The following PTGFRN variants were observed in gnomAD, a reference collection of about 807,000 sequenced individuals.
PTGFRN encodes prostaglandin F2 receptor negative regulator.
A neutral mutation model predicts 83.2 loss-of-function variants in PTGFRN; 35 were observed. That is an observed-to-expected ratio of 0.42 (90% confidence interval 0.32 to 0.56). The LOEUF is 0.56. Ranked by LOEUF, PTGFRN falls within the 20% of genes least tolerant of loss-of-function variation. The pLI is 0.11. For synonymous variants in PTGFRN, 519 were observed against 498.6 expected, an observed-to-expected ratio of 1.04 and a Z score of -0.55; for missense variants, 1,051 against 1,179.5, an observed-to-expected ratio of 0.89 and a Z score of 1.60.
At chr1:116,911,576 A>T (rs758392832) in intron 1 of PTGFRN, among the ~76,000 whole-genome samples, 2 of 152,214 alleles carry the variant, frequency 1.3e-5, no homozygotes, top group Non-Finnish European at 2.9e-5. Flanking sequence ...GCTTCAGCCC[A>T]TGTGCAGAAA....
chr1:116,987,281 G>A lies in PTGFRN; in HGVS notation c.*314G>A. On this transcript the variant is annotated 3_prime_UTR_variant, in exon 9 of 9. Coordinates refer to ENST00000393203, the MANE Select transcript of PTGFRN (RefSeq NM_020440.4). Reference sequence around the variant, plus strand: ...TTTATAGATCCTCTGACTTGTGTGTGTTTATAGCTTTTGTTTCGCGGGGTT... The same window carrying A: ...TTTATAGATCCTCTGACTTGTGTGTATTTATAGCTTTTGTTTCGCGGGGTT... The A allele has an allele frequency of 3.7e-6, 1 of 269,046 alleles. No homozygotes were observed. Among genetic ancestry groups the A allele is most frequent in the South Asian group, 4.9e-5 (1 of 20,506 alleles). 16.7% of individuals were successfully genotyped at this position (269,046 alleles called of 1,614,324 possible). A position where few individuals can be genotyped will look rare whatever the true frequency, so the allele number is the denominator to read the frequency against.
At chr1:116,962,757 G>T (rs566568344) in intron 5 of PTGFRN, among the ~76,000 whole-genome samples, 2 of 152,208 alleles carry the variant, frequency 1.3e-5, no homozygotes, top group East Asian at 3.9e-4. Context: ...GTACCGCTCC[G>T]TCTAGTACTC....
rs1245337978 is a variant in PTGFRN at position 116,944,848 on chromosome 1, C to T, written c.588C>T (p.Val196=). The change falls in exon 3 of 9, where the codon GTC becomes GTT. Residue 196 remains valine (V), a synonymous_variant. Transcript: ENST00000393203. ...EVHRGPARRS[V]LALTHEGRFH... ...ACCGCGGCCCGGCCAGGCGGAGCGTCCTCGCCCTGACCCACGAGGGCAGGT... is the reference window on the plus strand; with the variant it reads ...ACCGCGGCCCGGCCAGGCGGAGCGTTCTCGCCCTGACCCACGAGGGCAGGT... The T allele has an allele frequency of 7.5e-6, 12 of 1,597,424 alleles. No individual in the cohort carries two copies. The highest frequency in any genetic ancestry group is 9.4e-6 in the Non-Finnish European group (11 of 1,174,182).
In PTGFRN at chr1:116,944,647, C is replaced by T. The variant is rs778818017; in HGVS notation, c.419-32C>T. ...CCTTGCCGGCTGGGGTCGGTGTGGA[C>T]GGGCTACTGACCTAGCTTTCTCTCT... On this transcript the variant is annotated intron_variant, in intron 2 of 8. Transcript: ENST00000393203. The T allele has an allele frequency of 7.9e-6, 11 of 1,387,656 alleles. No individual in the cohort carries two copies. In the South Asian group the frequency reaches 1.3e-4, roughly 17 times the overall value. The allele number at this position is 1,387,656 out of a possible 1,614,324, so 86.0% of individuals were successfully genotyped here.
chr1:116,911,204 C>T (rs991894961), intron 1 of PTGFRN, among the ~76,000 whole-genome samples: 3 of 152,164 alleles, frequency 2.0e-5, no homozygotes, highest in African/African-American at 7.2e-5. Flanking sequence ...TTCTTGGATC[C>T]TTGTTGTCAG....
chr1:116,969,484 A>G (rs1650933747), intron 6 of PTGFRN, among the ~76,000 whole-genome samples: 1 of 152,190 alleles, frequency 6.6e-6, no homozygotes, highest in Admixed American at 6.5e-5. Flanking sequence ...CCAATATCAC[A>G]TGGTTTGATT....
At chr1:116,946,178 G>C (rs779690269) in intron 3 of PTGFRN, among the ~76,000 whole-genome samples, 3 of 152,194 alleles carry the variant, frequency 2.0e-5, no homozygotes, top group Non-Finnish European at 4.4e-5. Flanking sequence ...CTGTTACTCA[G>C]ATGGGAAGGA....
At chr1:116,947,457 A>G (rs939661674) in intron 3 of PTGFRN, among the ~76,000 whole-genome samples, 2 of 152,210 alleles carry the variant, frequency 1.3e-5, no homozygotes, top group Non-Finnish European at 2.9e-5. Context: ...CTCAGCAGTA[A>G]ACTCCCAAAT....
chr1:116,964,465 T>C (rs1650768652), intron 5 of PTGFRN, among the ~76,000 whole-genome samples: 1 of 152,220 alleles, frequency 6.6e-6, no homozygotes, highest in Admixed American at 6.5e-5. Flanking sequence ...TTCTGGCTTC[T>C]GTTCATTTTT....
chr1:116,917,229 G>A (rs112562822), intron 1 of PTGFRN, among the ~76,000 whole-genome samples: 2 of 152,144 alleles, frequency 1.3e-5, no homozygotes, highest in African/African-American at 4.8e-5. Flanking sequence ...AGAAACGATC[G>A]CCCACCTTTT....
chr1:116,989,095 T>G lies in PTGFRN; in HGVS notation c.*2128T>G, dbSNP rs1342744271. 1 of 152,208 alleles carries G rather than the reference T, an allele frequency of 6.6e-6. No homozygotes were observed. Among genetic ancestry groups the G allele is most frequent in the Non-Finnish European group, 1.5e-5 (1 of 68,040 alleles). 9.4% of individuals were successfully genotyped at this position (152,208 alleles called of 1,614,324 possible). A position where few individuals can be genotyped will look rare whatever the true frequency, so the allele number is the denominator to read the frequency against. On this transcript the variant is annotated 3_prime_UTR_variant, in exon 9 of 9. Coordinates refer to ENST00000393203, the MANE Select transcript of PTGFRN (RefSeq NM_020440.4). ...AGGATTTTATTGGCACAGGCCCTTC[T>G]TAGTAGGAAGAAAGGGTGCTTAGCT...
chr1:116,939,203 C>A (rs1475308421), intron 1 of PTGFRN, among the ~76,000 whole-genome samples: 1 of 152,250 alleles, frequency 6.6e-6, no homozygotes, highest in African/African-American at 2.4e-5. Context: ...CTAGGCCATG[C>A]CCCAGTAGGG....
At chr1:116,975,283 A>C (rs1276922765) in intron 7 of PTGFRN, among the ~76,000 whole-genome samples, 2 of 152,124 alleles carry the variant, frequency 1.3e-5, no homozygotes, top group Non-Finnish European at 2.9e-5. Flanking sequence ...GCCTCTGTAG[A>C]CTCCAACTCT....
In PTGFRN at chr1:116,941,712, C is replaced by A; in HGVS notation, c.50-3C>A. ...ACCTGCCTTTCATCTTTTATCATTGCAGCTCTTTGCCGAGGGCGTGTGGTG... is the reference window on the plus strand; with the variant it reads ...ACCTGCCTTTCATCTTTTATCATTGAAGCTCTTTGCCGAGGGCGTGTGGTG... On this transcript the variant is annotated splice_region_variant and splice_polypyrimidine_tract_variant and intron_variant, in intron 1 of 8. Coordinates refer to ENST00000393203, the MANE Select transcript of PTGFRN (RefSeq NM_020440.4). This position sits in a 1 kb window ranked among gnomAD's most constrained non-coding sequence, Gnocchi z 5.0. 4 of 1,606,062 alleles carry A rather than the reference C, an allele frequency of 2.5e-6. No homozygotes were observed. Among genetic ancestry groups the A allele is most frequent in the Non-Finnish European group, 3.4e-6 (4 of 1,175,596 alleles).
At chr1:116,932,586 A>G (rs1025791063) in intron 1 of PTGFRN, among the ~76,000 whole-genome samples, 2 of 151,310 alleles carry the variant, frequency 1.3e-5, no homozygotes, top group African/African-American at 4.9e-5. Flanking sequence ...TACATCAGAA[A>G]AATTTTTGAA....
intron 1 of PTGFRN, among the ~76,000 whole-genome samples, chr1:116,925,940 T>A (rs1156798445): frequency 6.6e-6 from 1 of 152,172 alleles, no homozygotes. Flanking sequence ...CTTTTTTAAT[T>A]TAATTCCCTG....
In PTGFRN at chr1:116,943,847, A is replaced by C. The variant is rs182394866; in HGVS notation, c.419-832A>C. On this transcript the variant is annotated intron_variant, in intron 2 of 8. Transcript: ENST00000393203. ...AATATGGAATTGGGGGGAAAAAAAA[A>C]CAGATGATGAATAGTGGTGTTGGAG... Among the ~76,000 whole-genome samples, 5 of 152,220 alleles carry C rather than the reference A, an allele frequency of 3.3e-5. No homozygotes were observed. The South Asian group carries it at 6.2e-4, about 19-fold the overall frequency.
At chr1:116,924,143 ATTTTTTT>A (rs147663868) in intron 1 of PTGFRN, among the ~76,000 whole-genome samples, 1 of 116,130 alleles carries the variant, frequency 8.6e-6, no homozygotes, top group Non-Finnish European at 1.7e-5. Context: ...CTGTGCATGT[ATTTTTTT>A]TTTTTTTTTT....
In PTGFRN at chr1:116,984,833, T is replaced by C. The variant is rs751870323; in HGVS notation, c.2321T>C (p.Leu774Pro). ...SDLSLERVSVLEFLLQVHGSE... is the reference protein window; with the variant it reads ...SDLSLERVSVPEFLLQVHGSE... Reference sequence around the variant, plus strand: ...CTCAGCCTGGAGCGCGTGAGTGTGCTGGAATTCTTGCTGCAAGTGCATGGC... The same window carrying C: ...CTCAGCCTGGAGCGCGTGAGTGTGCCGGAATTCTTGCTGCAAGTGCATGGC... The change falls in exon 8 of 9, where the codon CTG becomes CCG. Residue 774 changes from leucine (L) to proline (P), a missense_variant. Physicochemically the swap from Leu to Pro is moderately conservative, Grantham distance 98. Around this residue, in one of 3 missense-constraint regions of PTGFRN, gnomAD observed 719 missense variants for 836.6 expected, o/e 0.86. Coordinates refer to ENST00000393203, the MANE Select transcript of PTGFRN (RefSeq NM_020440.4). 1.9e-6 allele frequency: 3 copies of C among 1,614,062 alleles called. No individual in the cohort carries two copies. The highest frequency in any genetic ancestry group is 2.5e-6 in the Non-Finnish European group (3 of 1,180,022).
Sources: gnomAD v4.1 joint callset for allele counts (sites outside exome capture counted in the v4.1 genomes callset) on GRCh38, gnomAD v4.1.1 for gene constraint, gnomAD v4.1.1 regional missense constraint, Gnocchi (gnomAD v3.1) non-coding constraint, MANE v1.5 for transcripts, NCBI Gene and HGNC (gene_info 2026-07-23, HGNC 2026-07-21) for gene names.